The following OXR1 variants were observed in gnomAD, a reference collection of about 807,000 sequenced individuals.
The protein encoded by OXR1 is oxidation resistance protein 1.
A neutral mutation model predicts 104.6 loss-of-function variants in OXR1; 41 were observed. That is an observed-to-expected ratio of 0.39 (90% CI 0.31 to 0.51). The LOEUF (loss-of-function observed/expected upper bound fraction) is 0.51. OXR1 is among the 20% of genes least tolerant of loss of function. The pLI, the probability that OXR1 is intolerant of heterozygous loss-of-function variation, is 0.77. For synonymous variants in OXR1, 348 were observed against 348.4 expected (o/e 1.00, Z 0.01); for missense variants, 955 against 1,031.9 (o/e 0.93, Z 1.02).
At chr8:106,673,843 C>T (rs183677916) in intron 3 of OXR1, among the ~76,000 whole-genome samples, 7 of 152,314 alleles carry the variant, frequency 4.6e-5, no homozygotes, top group Non-Finnish European at 7.4e-5. Flanking sequence ...TGGCGGTTTA[C>T]GTGCGGTGGT....
rs547497489 is a variant in OXR1 at position 106,284,811 on chromosome 8, TAA to T, written c.-139+14452_-139+14453del. 5.3e-5 allele frequency among the ~76,000 whole-genome samples: 8 copies of T among 151,330 alleles called. No individual in the cohort carries two copies. In the South Asian group the frequency reaches 6.3e-4, roughly 12 times the overall value. ...ATTAACATTAACCTCAATCTTTTTT[TAA>T]AAAAAAAGGCTGTTAAAATTATTCA... On this transcript the variant is annotated intron_variant, in intron 1 of 16. Transcript: ENST00000517566.
At chr8:106,712,693 A>T (rs1280109089) in intron 10 of OXR1, among the ~76,000 whole-genome samples, 2 of 152,068 alleles carry the variant, frequency 1.3e-5, no homozygotes, top group Admixed American at 6.6e-5. Flanking sequence ...CCATATATAG[A>T]GTAAGTACAA....
chr8:106,390,343 A>AGAG (rs951149972), intron 2 of OXR1, among the ~76,000 whole-genome samples: 4 of 152,150 alleles, frequency 2.6e-5, no homozygotes, highest in Non-Finnish European at 5.9e-5. Flanking sequence ...TGTCTCTTGG[A>AGAG]GAGGAGGAGA....
At chr8:106,560,862 A>T (rs1816622388) in intron 3 of OXR1, among the ~76,000 whole-genome samples, 1 of 152,182 alleles carries the variant, frequency 6.6e-6, no homozygotes, top group Non-Finnish European at 1.5e-5. Flanking sequence ...ACGGAGGATG[A>T]GCAAAAGCAG....
At chr8:106,719,040 T>A (rs1302793072) in intron 11 of OXR1, among the ~76,000 whole-genome samples, 1 of 152,200 alleles carries the variant, frequency 6.6e-6, no homozygotes, top group Non-Finnish European at 1.5e-5. Flanking sequence ...CTGATAACCT[T>A]ATTTGATAAC....
At chr8:106,558,798 T>C (rs1816469842) in intron 3 of OXR1, among the ~76,000 whole-genome samples, 1 of 152,148 alleles carries the variant, frequency 6.6e-6, no homozygotes, top group Non-Finnish European at 1.5e-5. Context: ...AGCATTGGTA[T>C]TCCCTATATC....
chr8:106,300,573 T>G (rs1038618148), intron 1 of OXR1, among the ~76,000 whole-genome samples: 1 of 152,014 alleles, frequency 6.6e-6, no homozygotes, highest in East Asian at 1.9e-4. Context: ...ATTTGCAACA[T>G]GAAATGCACC....
chr8:106,451,513 C>A (rs184749677), intron 2 of OXR1, among the ~76,000 whole-genome samples: 3 of 152,240 alleles, frequency 2.0e-5, no homozygotes, highest in African/African-American at 7.2e-5. Flanking sequence ...GAAGCCAGTT[C>A]AGTTTCAATT....
At chr8:106,618,861 A>AG (rs1306495235) in intron 3 of OXR1, among the ~76,000 whole-genome samples, 1 of 151,362 alleles carries the variant, frequency 6.6e-6, no homozygotes, top group African/African-American at 2.4e-5. Flanking sequence ...AAGAAATAGG[A>AG]GGATTTTTTT....
intron 3 of OXR1, among the ~76,000 whole-genome samples, chr8:106,669,906 C>G (rs1218129798): frequency 6.6e-6 from 1 of 152,082 alleles, no homozygotes; most frequent in African/African-American, 2.4e-5. Context: ...TCAGACTATC[C>G]TGCTGAGAAC....
rs184574299 is a variant in OXR1 at position 106,648,251 on chromosome 8, G to A, written c.221-30959G>A. ...GTATATAGGATGACTGACAGAGATA[G>A]GAGCTGGGGCAGGAATAAAAAGATT... is the stretch of plus-strand genomic sequence containing the variant. On this transcript the variant is annotated intron_variant, in intron 3 of 16. Coordinates refer to ENST00000517566, the MANE Select transcript of OXR1 (RefSeq NM_001198533.2). Among the ~76,000 whole-genome samples, 386 of 152,224 alleles carry A rather than the reference G, an allele frequency of 2.5e-3. 5 individuals carry two copies. Among genetic ancestry groups the A allele is most frequent in the Non-Finnish European group, 1.2e-3 (80 of 68,018 alleles).
At chr8:106,690,638 G>C (rs955299042) in intron 6 of OXR1, among the ~76,000 whole-genome samples, 9 of 149,102 alleles carry the variant, frequency 6.0e-5, no homozygotes, top group Admixed American at 5.3e-4. Context: ...ATTAAAAATT[G>C]ATCCCGATAT....
intron 2 of OXR1, among the ~76,000 whole-genome samples, chr8:106,492,151 C>T (rs1401070177): frequency 6.6e-6 from 1 of 152,090 alleles, no homozygotes; most frequent in Non-Finnish European, 1.5e-5. Flanking sequence ...ATTTAAAATT[C>T]CCCTGATACC....
chr8:106,300,950 T>A (rs1016255940), intron 1 of OXR1, among the ~76,000 whole-genome samples: 3 of 152,172 alleles, frequency 2.0e-5, no homozygotes, highest in African/African-American at 7.2e-5. Context: ...CATTTTTATG[T>A]CTGGATTAGA....
chr8:106,639,458 GA>G (rs2130932736), intron 3 of OXR1, among the ~76,000 whole-genome samples: 1 of 152,238 alleles, frequency 6.6e-6, no homozygotes, highest in Non-Finnish European at 1.5e-5. Context: ...AGCTCTTCAT[GA>G]GTTCACAATC....
intron 7 of OXR1, among the ~76,000 whole-genome samples, chr8:106,698,991 A>G (rs149630889): frequency 2.0e-3 from 300 of 152,088 alleles, no homozygotes; most frequent in Non-Finnish European, 3.6e-3. Flanking sequence ...TGCACTTTTT[A>G]TCTGGGACAC....
At chr8:106,631,532 A>C (rs1822686406) in intron 3 of OXR1, among the ~76,000 whole-genome samples, 1 of 152,194 alleles carries the variant, frequency 6.6e-6, no homozygotes, top group Non-Finnish European at 1.5e-5. Context: ...AGCCCTATTA[A>C]AATGTTTTTG....
chr8:106,677,004 T>C (rs1827659107), intron 3 of OXR1, among the ~76,000 whole-genome samples: 1 of 152,092 alleles, frequency 6.6e-6, no homozygotes, highest in Non-Finnish European at 1.5e-5. Flanking sequence ...TACAGAGCAA[T>C]TGCAAACTTG....
At chr8:106,297,531 C>T (rs938404651) in intron 1 of OXR1, among the ~76,000 whole-genome samples, 7 of 151,620 alleles carry the variant, frequency 4.6e-5, no homozygotes, top group Non-Finnish European at 7.4e-5. Flanking sequence ...GTTATTGTAC[C>T]GAATACTGTA....
Sources: allele counts gnomAD v4.1 joint callset (sites outside exome capture counted in the v4.1 genomes callset), GRCh38; gene constraint gnomAD v4.1.1; transcripts MANE v1.5; gene names NCBI Gene and HGNC (gene_info 2026-07-23, HGNC 2026-07-21).